Variants in PDIA4 observed in about 807,000 individuals in gnomAD.
PDIA4 encodes the protein protein disulfide isomerase family A member 4.
PDIA4 carries 33 observed loss-of-function variants against 62.1 expected under a neutral mutation model. That is an observed-to-expected ratio of 0.53 (90% CI 0.40 to 0.71). The LOEUF is 0.71. PDIA4 is among the 30% of genes least tolerant of loss of function. The pLI is 0.00. For synonymous variants in PDIA4, 341 were observed against 324.1 expected, an observed-to-expected ratio of 1.05 and a Z score of -0.56; for missense variants, 804 against 813.6, an observed-to-expected ratio of 0.99 and a Z score of 0.14.
chr7:149,017,633 T>TAAAATTAAATACATTTTATC lies in PDIA4; in HGVS notation c.475+1339_475+1358dup, dbSNP rs1465307439. Among the ~76,000 whole-genome samples the TAAAATTAAATACATTTTATC allele has an allele frequency of 6.1e-3, 920 of 151,218 alleles. 8 individuals are homozygous for TAAAATTAAATACATTTTATC. The highest frequency in any genetic ancestry group is 0.022 in the African/African-American group (884 of 40,842). ...AATAAAATTAAATATTTTATCAAAA[T>TAAAATTAAATACATTTTATC]AAAATTAAATACATTTTATCAAAAT... On this transcript the variant is annotated intron_variant, in intron 3 of 9. Coordinates refer to ENST00000652332, the MANE Select transcript of PDIA4 (RefSeq NM_004911.5).
In PDIA4 at chr7:149,003,293, T is replaced by A. The variant is rs1441616767; in HGVS notation, c.*501A>T. The A allele has an allele frequency of 6.5e-6, 1 of 153,026 alleles. No individual in the cohort carries two copies. Among genetic ancestry groups the A allele is most frequent in the Non-Finnish European group, 1.5e-5 (1 of 68,278 alleles). 9.5% of individuals were successfully genotyped at this position (153,026 alleles called of 1,614,324 possible). A position where few individuals can be genotyped will look rare whatever the true frequency, so the allele number is the denominator to read the frequency against. On this transcript the variant is annotated 3_prime_UTR_variant, in exon 10 of 10. Coordinates refer to ENST00000652332, the MANE Select transcript of PDIA4 (RefSeq NM_004911.5). ...GGTTTGCAGGGAGGCCGCCTGGCGA[T>A]GCCCAGCCTGAAACAGCACCCCTGG...
At chr7:149,027,144 A>T (rs7781312) in intron 1 of PDIA4, among the ~76,000 whole-genome samples, 33,938 of 152,202 alleles carry the variant, frequency 0.22, 4,385 homozygotes, top group African/African-American at 0.35. Flanking sequence ...AAACTGACTT[A>T]AAACGCAGAT....
rs150481375 is a variant in PDIA4 at position 149,011,847 on chromosome 7, G to A, written c.978C>T (p.Ala326=). The change falls in exon 6 of 10, where the codon GCC becomes GCT. Residue 326 remains alanine (A), a splice_region_variant and synonymous_variant. Transcript: ENST00000652332. The part of the protein sequence containing the change: ...SDPAYQQYQD[A]ANNLREDYKF... Reference sequence around the variant, plus strand: ...TCAGCCCAGAGGGCCACAACTCACCGGCATCCTGGTATTGCTGGTAGGCTG... The same window carrying A: ...TCAGCCCAGAGGGCCACAACTCACCAGCATCCTGGTATTGCTGGTAGGCTG... 125 of 1,561,908 alleles carry A rather than the reference G, an allele frequency of 8.0e-5. No individual in the cohort carries two copies. The highest frequency in any genetic ancestry group is 1.1e-4 in the African/African-American group (8 of 73,332).
At chr7:149,027,456 T>C (rs1824597594) in intron 1 of PDIA4, among the ~76,000 whole-genome samples, 1 of 152,222 alleles carries the variant, frequency 6.6e-6, no homozygotes, top group African/African-American at 2.4e-5. Context: ...TATATTTATA[T>C]TAGAACAAAC....
At chr7:149,007,865 CCTGCCAGG>C (rs1823815439) in intron 7 of PDIA4, among the ~76,000 whole-genome samples, 1 of 152,258 alleles carries the variant, frequency 6.6e-6, no homozygotes, top group Non-Finnish European at 1.5e-5. Context: ...CTGGTGATTG[CCTGCCAGG>C]AGGGACAAAG....
At chr7:149,015,477 G>T in intron 3 of PDIA4, among the ~76,000 whole-genome samples, 1 of 126,966 alleles carries the variant, frequency 7.9e-6, no homozygotes, top group Non-Finnish European at 1.6e-5. Context: ...TATTACATAC[G>T]TCATAAGATG....
rs74528746 is a variant in PDIA4, at chr7:149,003,920, G to C, written c.1812C>G (p.Tyr604Ter). 1 of 1,613,794 alleles carries C rather than the reference G, an allele frequency of 6.2e-7. No individual in the cohort carries two copies. The highest frequency in any genetic ancestry group is 1.3e-5 in the African/African-American group (1 of 75,054). Reference sequence around the variant, plus strand: ...TCTTTTTGTCCCCACTGGGGGCGAAGTAGATGGTGGGGAAGCCCTCCACCT... The same window carrying C: ...TCTTTTTGTCCCCACTGGGGGCGAACTAGATGGTGGGGAAGCCCTCCACCT... The part of the protein sequence containing the change: ...RYKVEGFPTI[Y>*]FAPSGDKKNP... The change falls in exon 10 of 10, where the codon TAC becomes TAG. Residue 604 changes from tyrosine to a stop codon, truncating the protein, a stop_gained. Transcript: ENST00000652332. LOFTEE classifies it high-confidence loss of function.
At chr7:149,024,914 C>T (rs1017251069) in intron 1 of PDIA4, among the ~76,000 whole-genome samples, 4 of 149,570 alleles carry the variant, frequency 2.7e-5, no homozygotes, top group Admixed American at 2.0e-4. Flanking sequence ...CTCCTGAGGT[C>T]GGGAGTTCGA....
rs529833329 is a variant in PDIA4 at position 149,016,121 on chromosome 7, C to A, written c.476-1079G>T. The stretch of plus-strand genomic sequence containing the variant: ...ACCAGCCTGGCCAACATGGTGAAAC[C>A]CTGTCTCTACTAAAAATACAAAAAT... On this transcript the variant is annotated intron_variant, in intron 3 of 9. Transcript: ENST00000652332. 8.5e-5 allele frequency among the ~76,000 whole-genome samples: 13 copies of A among 152,202 alleles called. No homozygotes were observed. The South Asian group carries it at 2.7e-3, about 32-fold the overall frequency.
intron 1 of PDIA4, among the ~76,000 whole-genome samples, chr7:149,027,544 T>G (rs979762360): frequency 6.6e-6 from 1 of 152,214 alleles, no homozygotes; most frequent in African/African-American, 2.4e-5. Context: ...GATGCCTTAT[T>G]CTCTAGGAAT....
chr7:149,017,785 C>G (rs961873967), intron 3 of PDIA4, among the ~76,000 whole-genome samples: 1 of 152,064 alleles, frequency 6.6e-6, no homozygotes, highest in Non-Finnish European at 1.5e-5. Flanking sequence ...CATGTAGTGT[C>G]TAATGTGAGC....
At chr7:149,004,553 G>A (rs544890860) in intron 9 of PDIA4, among the ~76,000 whole-genome samples, 13 of 151,962 alleles carry the variant, frequency 8.6e-5, no homozygotes, top group African/African-American at 1.5e-4. Context: ...CACAGACATC[G>A]GAACAGCATG....
At chr7:149,009,151 G>C (rs929600630) in intron 6 of PDIA4, among the ~76,000 whole-genome samples, 13 of 152,128 alleles carry the variant, frequency 8.5e-5, no homozygotes, top group African/African-American at 2.6e-4. Context: ...GGCTGGTCTC[G>C]AACTCCTGAC....
At position 149,003,832 on chromosome 7, in the gene PDIA4, GTTC is replaced by G; in HGVS notation, c.1897_1899del (p.Glu633del). 1 of 1,588,840 alleles carries G rather than the reference GTTC, an allele frequency of 6.3e-7. No homozygotes were observed. The highest frequency in any genetic ancestry group is 8.6e-7 in the Non-Finnish European group (1 of 1,167,508). ...TTGGTCCTGCTCAGTTTTGTGGCAT[GTTC>G]TTCTATAAACTTGCTCAAATGCTCC... On this transcript the variant is annotated inframe_deletion, in exon 10 of 10. Transcript: ENST00000652332.
chr7:149,003,676 A>T lies in PDIA4; in HGVS notation c.*118T>A. On this transcript the variant is annotated 3_prime_UTR_variant, in exon 10 of 10. Transcript: ENST00000652332. ...TGAAACACCAAAGTATAAAAAATTA[A>T]AAAAAAAAAAAAAGGAATCCGAGAT... 1 of 476,910 alleles carries T rather than the reference A, an allele frequency of 2.1e-6. No homozygotes were observed. Among genetic ancestry groups the T allele is most frequent in the Non-Finnish European group, 3.2e-6 (1 of 309,512 alleles). The allele number at this position is 476,910 out of a possible 1,614,324, so 29.5% of individuals were successfully genotyped here. A position where few individuals can be genotyped will look rare whatever the true frequency, so the allele number is the denominator to read the frequency against.
chr7:149,017,515 T>C (rs1962977), intron 3 of PDIA4, among the ~76,000 whole-genome samples: 136,141 of 152,088 alleles, frequency 0.9, 62,491 homozygotes, highest in Non-Finnish European at 1. Flanking sequence ...ATCCGGGAGG[T>C]GGAGGTTGCG....
intron 3 of PDIA4, 72 bp downstream of exon 3, chr7:149,018,920 T>C (rs1824242579): frequency 8.7e-7 from 1 of 1,145,168 alleles, no homozygotes; most frequent in Non-Finnish European, 1.3e-6. Context: ...TCAGCTTTTC[T>C]TCCTCTATTA....
At chr7:149,008,062 G>C in intron 7 of PDIA4, 97 bp downstream of exon 7, 1 of 1,207,160 alleles carries the variant, frequency 8.3e-7, no homozygotes, top group South Asian at 1.5e-5. Context: ...GCAGACAAGA[G>C]CGAAACCTCC....
chr7:149,023,276 G>C (rs1326025525), intron 1 of PDIA4, among the ~76,000 whole-genome samples: 1 of 152,168 alleles, frequency 6.6e-6, no homozygotes, highest in Non-Finnish European at 1.5e-5. Flanking sequence ...TCCCTTTTCA[G>C]ATCATTCTAG....
Sources: gnomAD v4.1 joint callset for allele counts (sites outside exome capture counted in the v4.1 genomes callset) on GRCh38, gnomAD v4.1.1 for gene constraint, MANE v1.5 for transcripts, NCBI Gene and HGNC (gene_info 2026-07-23, HGNC 2026-07-21) for gene names.